Variants in FGD3 observed in about 807,000 individuals in gnomAD.
The protein encoded by FGD3 is FYVE, RhoGEF and PH domain-containing protein 3.
A neutral mutation model predicts 71.8 loss-of-function variants in FGD3; 45 were observed. That is an observed-to-expected ratio of 0.63 (90% CI 0.49 to 0.80). The LOEUF (loss-of-function observed/expected upper bound fraction) is 0.80. Among genes scored for constraint, FGD3 ranks in the 30% least tolerant of loss-of-function variants. The pLI, the probability that FGD3 is intolerant of heterozygous loss-of-function variation, is 0.00. For synonymous variants in FGD3, 378 were observed against 392.8 expected (o/e 0.96, Z 0.44); for missense variants, 844 against 951.5 (o/e 0.89, Z 1.49).
At chr9:92,972,627 T>G (rs180700501) in intron 1 of FGD3, among the ~76,000 whole-genome samples, 5 of 152,306 alleles carry the variant, frequency 3.3e-5, no homozygotes, top group Admixed American at 2.0e-4. Flanking sequence ...ACATTGAGCT[T>G]CTTAGATGTG....
At chr9:93,000,402 T>C (rs1172410150) in intron 3 of FGD3, among the ~76,000 whole-genome samples, 1 of 152,248 alleles carries the variant, frequency 6.6e-6, no homozygotes, top group African/African-American at 2.4e-5. Flanking sequence ...CCTGTGGTTT[T>C]GTGTTGCTTT....
intron 9 of FGD3, among the ~76,000 whole-genome samples, chr9:93,014,803 G>A (rs571774834): frequency 2.6e-5 from 4 of 152,050 alleles, no homozygotes; most frequent in Admixed American, 6.5e-5. Flanking sequence ...CACCACGCCC[G>A]GCTAATTTTT....
chr9:93,033,301 C>A, intron 16 of FGD3: 1 of 173,094 alleles, frequency 5.8e-6, no homozygotes, highest in Non-Finnish European at 1.1e-5. Flanking sequence ...CTCCCCGTCC[C>A]CTTCTCCTCC....
intron 3 of FGD3, among the ~76,000 whole-genome samples, chr9:92,994,555 A>G (rs1440033228): frequency 1.3e-5 from 2 of 152,210 alleles, no homozygotes; most frequent in Admixed American, 6.5e-5. Context: ...GCCCATGCTT[A>G]TGGCCTGAAT....
At chr9:92,998,773 G>T (rs1287940882) in intron 3 of FGD3, among the ~76,000 whole-genome samples, 1 of 152,186 alleles carries the variant, frequency 6.6e-6, no homozygotes, top group African/African-American at 2.4e-5. Context: ...CACAAGTGGA[G>T]GCTGCAGAAC....
chr9:92,996,961 G>A (rs1375056716), intron 3 of FGD3, among the ~76,000 whole-genome samples: 4 of 152,194 alleles, frequency 2.6e-5, no homozygotes, highest in African/African-American at 9.7e-5. Context: ...CTGTTGATCT[G>A]GGGTGTAGAG....
chr9:92,967,913 A>G (rs938034420), intron 1 of FGD3, among the ~76,000 whole-genome samples: 20 of 152,230 alleles, frequency 1.3e-4, no homozygotes, highest in Middle Eastern at 3.4e-3. Context: ...TTCTATGGAG[A>G]GGCCACCTTT....
chr9:93,018,069 A>C (rs1861771272), intron 10 of FGD3, 67 bp from the exon 11 acceptor site: 2 of 1,475,136 alleles, frequency 1.4e-6, no homozygotes, highest in Non-Finnish European at 1.9e-6. Context: ...TCTAAGTCAG[A>C]AAACATGAGG....
At chr9:92,957,809 G>C (rs1859090208) in intron 1 of FGD3, among the ~76,000 whole-genome samples, 1 of 150,524 alleles carries the variant, frequency 6.6e-6, no homozygotes, top group African/African-American at 2.4e-5. Flanking sequence ...AGCCTCCAGA[G>C]TAGTTGGGAG....
At chr9:92,988,758 G>T (rs1480230441) in intron 3 of FGD3, among the ~76,000 whole-genome samples, 1 of 152,094 alleles carries the variant, frequency 6.6e-6, no homozygotes. Context: ...TTTCCCTGAG[G>T]GGTTGATTTC....
At chr9:92,993,711 C>T (rs908037155) in intron 3 of FGD3, among the ~76,000 whole-genome samples, 2 of 152,124 alleles carry the variant, frequency 1.3e-5, no homozygotes, top group Non-Finnish European at 1.5e-5. Flanking sequence ...TGAGAACATG[C>T]GGTGTTTGGT....
chr9:92,956,834 C>CTT (rs34469364), intron 1 of FGD3, among the ~76,000 whole-genome samples: 11,295 of 127,382 alleles, frequency 0.089, 1,129 homozygotes, highest in East Asian at 0.23. Context: ...TAATTGCTTT[C>CTT]TTTCTTTTTT....
chr9:92,954,546 G>A (rs530174453), intron 1 of FGD3, among the ~76,000 whole-genome samples: 3 of 152,266 alleles, frequency 2.0e-5, no homozygotes, highest in Non-Finnish European at 2.9e-5. Context: ...GGCAGGGGCC[G>A]GGGTCACCTT....
rs147394723 is a variant in FGD3 at position 92,981,909 on chromosome 9, A to G, written c.453+5200A>G. Among the ~76,000 whole-genome samples, 13 of 152,264 alleles carry G rather than the reference A, an allele frequency of 8.5e-5. No individual in the cohort carries two copies. The East Asian group carries it at 2.3e-3, about 27-fold the overall frequency. The stretch of plus-strand genomic sequence containing the variant: ...CTGAGTTACATAGTGATGTTTTGAT[A>G]CATAGAATATATAGTGATTAGATCA... On this transcript the variant is annotated intron_variant, in intron 3 of 17. Transcript: ENST00000375482.
At chr9:93,019,761 T>G in intron 11 of FGD3, 70 bp from the exon 12 acceptor site, 4 of 1,453,252 alleles carry the variant, frequency 2.8e-6, no homozygotes, top group Non-Finnish European at 3.9e-6. Flanking sequence ...GCTGCAGGGT[T>G]GAGAGAGGGC....
chr9:93,033,725 G>A (rs1862469712), intron 16 of FGD3: 1 of 152,646 alleles, frequency 6.6e-6, no homozygotes, highest in African/African-American at 2.4e-5. Flanking sequence ...GAGTCTCCTG[G>A]GAAGCTTCTA....
intron 3 of FGD3, among the ~76,000 whole-genome samples, chr9:92,998,971 GC>G (rs753957862): frequency 6.6e-6 from 1 of 152,188 alleles, no homozygotes; most frequent in Admixed American, 6.5e-5. Context: ...CAAACTCTGT[GC>G]TGGGAGAAGC....
chr9:93,029,163 C>T (rs1427189037), intron 14 of FGD3, among the ~76,000 whole-genome samples: 1 of 151,930 alleles, frequency 6.6e-6, no homozygotes, highest in African/African-American at 2.4e-5. Flanking sequence ...TCCCGAGTAG[C>T]TGGGATTACA....
At position 93,010,272 on chromosome 9, in the gene FGD3, G is replaced by A. The variant is rs777713313; in HGVS notation, c.864G>A (p.Thr288=). ...IQKQEVCGNL[T]LQHHMLEPVQ... is the part of the protein sequence containing the mutation. ...AGCAGGAGGTATGCGGGAACCTGAC[G>A]CTGCAGCACCACATGCTGGAGCCCG... is the stretch of plus-strand genomic sequence containing the variant. Residue 288 remains threonine, a synonymous_variant, in exon 7 of 18, where the codon ACG becomes ACA. Transcript: ENST00000375482. 27 of 1,611,814 alleles carry A rather than the reference G, an allele frequency of 1.7e-5. No homozygotes were observed. The highest frequency in any genetic ancestry group is 1.3e-5 in the African/African-American group (1 of 74,898).
Sources: gnomAD v4.1 joint callset for allele counts (sites outside exome capture counted in the v4.1 genomes callset) on GRCh38, gnomAD v4.1.1 for gene constraint, MANE v1.5 for transcripts, NCBI Gene and HGNC (gene_info 2026-07-23, HGNC 2026-07-21) for gene names.